CLPX: variants seen among roughly 807,000 people sequenced by gnomAD.
CLPX encodes the protein caseinolytic mitochondrial matrix peptidase chaperone subunit X, also known as ATP-dependent clpX-like chaperone, mitochondrial.
A neutral mutation model predicts 76.4 loss-of-function variants in CLPX; 34 were observed. The observed-to-expected ratio is 0.45, with a 90% confidence interval of 0.34 to 0.59. CLPX has a LOEUF of 0.59. Among genes scored for constraint, CLPX ranks in the 20% least tolerant of loss-of-function variants. The probability of loss-of-function intolerance (pLI) is 0.01; values close to 1 mark genes in which losing one functional copy is unlikely to be tolerated. For missense variants in CLPX, 613 were observed against 757.0 expected, an observed-to-expected ratio of 0.81 and a Z score of 2.23; for synonymous variants, 248 against 270.9, an observed-to-expected ratio of 0.92 and a Z score of 0.83.
intron 7 of CLPX, 167 bp downstream of exon 7, chr15:65,158,408 A>G: frequency 1.8e-6 from 1 of 553,688 alleles, no homozygotes; most frequent in Non-Finnish European, 3.1e-6. Context: ...CCAATGCCTC[A>G]AATCCAGTTT....
chr15:65,179,981 T>C, intron 2 of CLPX, 63 bp downstream of exon 2: 5 of 1,224,334 alleles, frequency 4.1e-6, no homozygotes, highest in Non-Finnish European at 3.4e-6. Flanking sequence ...GACAGTACTG[T>C]TATATTTTTT....
At chr15:65,164,938 T>G (rs915601007) in intron 4 of CLPX, among the ~76,000 whole-genome samples, 8 of 152,232 alleles carry the variant, frequency 5.3e-5, no homozygotes, top group African/African-American at 1.9e-4. Context: ...TTCTTAATAG[T>G]AGCTAAAGCT....
chr15:65,171,303 C>T (rs934595951), intron 3 of CLPX, among the ~76,000 whole-genome samples: 12 of 151,942 alleles, frequency 7.9e-5, no homozygotes, highest in African/African-American at 1.7e-4. Context: ...ACAAATTATC[C>T]GGGCGTGTTG....
At chr15:65,151,499 T>G (rs888151847) in intron 13 of CLPX, among the ~76,000 whole-genome samples, 1 of 148,912 alleles carries the variant, frequency 6.7e-6, no homozygotes, top group African/African-American at 2.5e-5. Flanking sequence ...TGGCTTCAAT[T>G]GTGAAGGCTT....
chr15:65,168,497 G>A (rs2087950966), intron 3 of CLPX, among the ~76,000 whole-genome samples: 1 of 145,294 alleles, frequency 6.9e-6, no homozygotes, highest in Non-Finnish European at 1.5e-5. Flanking sequence ...CTATCGCAAG[G>A]ACAGAAAACC....
intron 1 of CLPX, among the ~76,000 whole-genome samples, chr15:65,184,171 A>C (rs2088220324): frequency 6.6e-6 from 1 of 152,266 alleles, no homozygotes; most frequent in African/African-American, 2.4e-5. Flanking sequence ...ATAAACCGAT[A>C]AGCCAAAATA....
At chr15:65,155,113 G>A (rs779841803) in intron 10 of CLPX, 32 bp from the exon 11 acceptor site, 3 of 1,567,586 alleles carry the variant, frequency 1.9e-6, no homozygotes, top group African/African-American at 2.7e-5. Context: ...TTTATAATTA[G>A]TAGAATCAAA....
intron 1 of CLPX, 25 bp from the exon 2 acceptor site, chr15:65,180,229 C>A: frequency 1.3e-6 from 2 of 1,542,728 alleles, no homozygotes; most frequent in Admixed American, 1.9e-5. Flanking sequence ...AAATCTACAT[C>A]AAATATAGAC....
At position 65,154,802 on chromosome 15, in the gene CLPX, C is replaced by T. The variant is rs770859993; in HGVS notation, c.1591G>A (p.Ala531Thr). The T allele has an allele frequency of 1.2e-6, 2 of 1,613,432 alleles. No individual in the cohort carries two copies. Among genetic ancestry groups the T allele is most frequent in the Admixed American group, 1.7e-5 (1 of 60,014 alleles). ...CTAACCTTATCCATGCTGAATAAGG[C>T]CTGGTACTGAGGAATAACAGCATTT... ...PRNAVIPQYQ[A>T]LFSMDKCELN... The change falls in exon 11 of 14, where the codon GCC becomes ACC. Residue 531 changes from alanine to threonine, a missense_variant. By Grantham distance (58) the Ala-to-Thr change is moderately conservative (BLOSUM62 0). This residue lies in a region of CLPX where 450 missense variants were observed against 638.6 expected (regional missense o/e 0.70). Coordinates refer to ENST00000300107, the MANE Select transcript of CLPX (RefSeq NM_006660.5).
At chr15:65,184,379 T>A (rs1566988715) in intron 1 of CLPX, 1 of 152,234 alleles carries the variant, frequency 6.6e-6, no homozygotes, top group East Asian at 1.9e-4. Flanking sequence ...CCGGTCAAGT[T>A]GGGAAAGCCA....
chr15:65,158,510 G>A, intron 7 of CLPX, 65 bp downstream of exon 7: 1 of 1,360,822 alleles, frequency 7.3e-7, no homozygotes, highest in Non-Finnish European at 1.0e-6. Context: ...CAAGATACAG[G>A]TTATAGAATC....
chr15:65,156,990 C>T (rs537158407), intron 8 of CLPX, 58 bp from the exon 9 acceptor site: 1,171 of 1,156,174 alleles, frequency 1.0e-3, no homozygotes, highest in Non-Finnish European at 1.4e-3. Flanking sequence ...AAGATAGCCT[C>T]AGCTTTAAAA....
intron 6 of CLPX, among the ~76,000 whole-genome samples, chr15:65,160,959 T>C (rs1441640396): frequency 1.3e-5 from 2 of 152,204 alleles, no homozygotes; most frequent in East Asian, 3.8e-4. Context: ...GCTCACCAGC[T>C]GTGTGGCCAC....
chr15:65,178,079 T>G (rs1426536266), intron 3 of CLPX, among the ~76,000 whole-genome samples: 1 of 152,136 alleles, frequency 6.6e-6, no homozygotes, highest in Non-Finnish European at 1.5e-5. Context: ...CAGGTGTGAG[T>G]CACTGTGCCC....
At position 65,156,852 on chromosome 15, in the gene CLPX, C is replaced by G; in HGVS notation, c.1138G>C (p.Val380Leu). 1 of 1,610,844 alleles carries G rather than the reference C, an allele frequency of 6.2e-7. No individual in the cohort carries two copies. Residue 380 changes from valine to leucine, a missense_variant, in exon 9 of 14, where the codon GTT becomes CTT. By Grantham distance (32) the Val-to-Leu change is conservative. Coordinates refer to ENST00000300107, the MANE Select transcript of CLPX (RefSeq NM_006660.5). ...AATACTCAACTGCTTACTTGCTGAACGCCTTCTCCACCTACATCCCGTAAT... is the reference window on the plus strand; with the variant it reads ...AATACTCAACTGCTTACTTGCTGAAGGCCTTCTCCACCTACATCCCGTAAT... ...HQLRDVGGEG[V>L]QQGLLKLLEG...
intron 11 of CLPX, among the ~76,000 whole-genome samples, chr15:65,154,422 ACT>A (rs935566745): frequency 7.9e-5 from 12 of 152,128 alleles, no homozygotes; most frequent in African/African-American, 2.9e-4. Context: ...GATTAATAAA[ACT>A]CTATTTTGGC....
chr15:65,181,993 C>A (rs534425084), intron 1 of CLPX, among the ~76,000 whole-genome samples: 1 of 150,904 alleles, frequency 6.6e-6, no homozygotes, highest in Non-Finnish European at 1.5e-5. Flanking sequence ...CATGGTGACA[C>A]GCGCCTGTAG....
chr15:65,155,487 A>G (rs1018308259), intron 10 of CLPX, among the ~76,000 whole-genome samples: 19 of 152,146 alleles, frequency 1.2e-4, no homozygotes, highest in Admixed American at 9.8e-4. Flanking sequence ...AGCTCAGGCA[A>G]TCTGCCCACC....
At chr15:65,164,236 GCA>G in intron 4 of CLPX, 48 bp from the exon 5 acceptor site, 1 of 1,447,040 alleles carries the variant, frequency 6.9e-7, no homozygotes, top group Non-Finnish European at 9.5e-7. Context: ...TATTATAAGA[GCA>G]CACACATTAA....
Sources: gnomAD v4.1 joint callset for allele counts (sites outside exome capture counted in the v4.1 genomes callset) on GRCh38, gnomAD v4.1.1 for gene constraint, gnomAD v4.1.1 regional missense constraint, MANE v1.5 for transcripts, NCBI Gene and HGNC (gene_info 2026-07-23, HGNC 2026-07-21) for gene names.